LANCL3: variants seen among roughly 807,000 people sequenced by gnomAD.
The protein encoded by LANCL3 is LanC like family member 3, also known as lanC-like protein 3.
LANCL3 carries 19 observed loss-of-function variants against 26.5 expected under a neutral mutation model. The observed-to-expected ratio is 0.72, with a 90% CI of 0.50 to 1.05. The LOEUF is 1.05. Among genes scored for constraint, LANCL3 ranks in the 50% least tolerant of loss-of-function variants. The pLI is 0.00. For synonymous variants in LANCL3, 160 were observed against 166.6 expected (o/e 0.96, Z 0.30); for missense variants, 318 against 362.7 (o/e 0.88, Z 1.00).
At chrX:37,596,942 A>G (rs1924447170) in intron 1 of LANCL3, among the ~76,000 whole-genome samples, 1 of 111,922 alleles carries the variant, frequency 8.9e-6, no homozygotes, top group Non-Finnish European at 1.9e-5. Flanking sequence ...CCTTACCTCA[A>G]AAAGAAACCT....
At chrX:37,632,362 G>T (rs1198402999) in intron 1 of LANCL3, among the ~76,000 whole-genome samples, 2 of 111,421 alleles carry the variant, frequency 1.8e-5, no homozygotes, top group East Asian at 2.8e-4. Flanking sequence ...CATGTGAGAT[G>T]GGTTTCCTGA....
chrX:37,603,217 C>G (rs781908637), intron 1 of LANCL3, among the ~76,000 whole-genome samples: 1 of 112,134 alleles, frequency 8.9e-6, no homozygotes, highest in African/African-American at 3.2e-5. Context: ...AAAAGATGAG[C>G]AGGGTCCTAG....
chrX:37,625,306 A>G (rs1925284891), intron 1 of LANCL3, among the ~76,000 whole-genome samples: 1 of 111,653 alleles, frequency 9.0e-6, no homozygotes, highest in Admixed American at 9.5e-5. Flanking sequence ...CTCTGTGTGG[A>G]TTCAGCTTGG....
intron 1 of LANCL3, among the ~76,000 whole-genome samples, chrX:37,630,282 G>T (rs1409023110): frequency 2.4e-4 from 27 of 111,304 alleles, no homozygotes; most frequent in Non-Finnish European, 4.1e-4. Context: ...AATGCTTGTG[G>T]TATTTGTACA....
chrX:37,600,412 A>G (rs112358877), intron 1 of LANCL3, among the ~76,000 whole-genome samples: 47 of 111,949 alleles, frequency 4.2e-4, no homozygotes, highest in Non-Finnish European at 8.3e-4. Flanking sequence ...GATGGACTAG[A>G]ATATATATCA....
intron 1 of LANCL3, among the ~76,000 whole-genome samples, chrX:37,637,999 A>G (rs1450095660): frequency 9.0e-6 from 1 of 111,201 alleles, no homozygotes; most frequent in African/African-American, 3.3e-5. Context: ...CAGTAACTCT[A>G]TTTGATCCTG....
At chrX:37,624,281 C>T (rs782104203) in intron 1 of LANCL3, among the ~76,000 whole-genome samples, 88 of 111,785 alleles carry the variant, frequency 7.9e-4, no homozygotes, top group Non-Finnish European at 1.5e-3. Context: ...AAAATGGTAG[C>T]TCATTTTAAT....
At chrX:37,611,651 G>T (rs1359574877) in intron 1 of LANCL3, among the ~76,000 whole-genome samples, 2 of 111,322 alleles carry the variant, frequency 1.8e-5, no homozygotes, top group Non-Finnish European at 1.9e-5. Flanking sequence ...AGCATAACTG[G>T]ACTGCTTGAT....
At chrX:37,605,991 G>C (rs1924704347) in intron 1 of LANCL3, among the ~76,000 whole-genome samples, 1 of 111,479 alleles carries the variant, frequency 9.0e-6, no homozygotes, top group Admixed American at 9.5e-5. Context: ...GAGTCACTGG[G>C]AGAACTCAAA....
chrX:37,628,698 T>G (rs1925389418), intron 1 of LANCL3, among the ~76,000 whole-genome samples: 1 of 103,393 alleles, frequency 9.7e-6, no homozygotes, highest in Non-Finnish European at 2.0e-5. Context: ...ACATGTGGTG[T>G]TTGGTTTTTT....
In LANCL3 at chrX:37,605,230, C is replaced by G. The variant is rs150452986; in HGVS notation, c.573+32787C>G. ...AGGCCACAGTGGATGTGGTATTATT[C>G]AGTTATGTGCTTTTGCTATTTGTTG... On this transcript the variant is annotated intron_variant, in intron 1 of 4. Coordinates refer to ENST00000378619, the MANE Select transcript of LANCL3 (RefSeq NM_001170331.2). 5.5e-3 allele frequency among the ~76,000 whole-genome samples: 615 copies of G among 111,706 alleles called. 3 individuals carry two copies. The highest frequency in any genetic ancestry group is 0.018 in the African/African-American group (552 of 30,726).
At chrX:37,648,443 C>T in intron 1 of LANCL3, among the ~76,000 whole-genome samples, 1 of 112,011 alleles carries the variant, frequency 8.9e-6, no homozygotes, top group Non-Finnish European at 1.9e-5. Flanking sequence ...TTCCTTACAC[C>T]TTATACAAAA....
intron 1 of LANCL3, among the ~76,000 whole-genome samples, chrX:37,583,175 T>G (rs185689155): frequency 0.045 from 4,978 of 111,705 alleles, 294 homozygotes; most frequent in African/African-American, 0.15. Context: ...CATTGATCGA[T>G]ATCTCTGTTT....
At chrX:37,612,882 A>T (rs1924914541) in intron 1 of LANCL3, among the ~76,000 whole-genome samples, 1 of 111,807 alleles carries the variant, frequency 8.9e-6, no homozygotes, top group Non-Finnish European at 1.9e-5. Context: ...AGTGGGAAGG[A>T]TATGTTACCC....
At chrX:37,609,053 TC>T (rs1354599164) in intron 1 of LANCL3, among the ~76,000 whole-genome samples, 15 of 112,335 alleles carry the variant, frequency 1.3e-4, no homozygotes, top group African/African-American at 4.8e-4. Context: ...ACAGTTTATT[TC>T]CACTTATTTT....
intron 1 of LANCL3, among the ~76,000 whole-genome samples, chrX:37,622,260 G>A (rs1487572096): frequency 9.0e-6 from 1 of 111,205 alleles, no homozygotes; most frequent in African/African-American, 3.3e-5. Context: ...ACAACCCACC[G>A]CCTATATATC....
intron 1 of LANCL3, among the ~76,000 whole-genome samples, chrX:37,609,425 A>G (rs186522430): frequency 3.6e-5 from 4 of 111,903 alleles, no homozygotes; most frequent in East Asian, 5.6e-4. Context: ...GAATCGGGAA[A>G]GGGTATGAGG....
rs1926997512 is a variant in LANCL3 at position 37,683,971 on chromosome X, A to G, written c.*8158A>G. The G allele has an allele frequency of 8.9e-6, 1 of 112,285 alleles. No homozygotes were observed. The highest frequency in any genetic ancestry group is 1.9e-5 in the Non-Finnish European group (1 of 53,285). The allele number at this position is 112,285 out of a possible 1,213,427, so 9.3% of individuals were successfully genotyped here. ...AGCAATCATAAGCTATAAGATATAT[A>G]TTATTTTCAAGGACAAAATGGCAAA... On this transcript the variant is annotated 3_prime_UTR_variant, in exon 5 of 5. Coordinates refer to ENST00000378619, the MANE Select transcript of LANCL3 (RefSeq NM_001170331.2).
intron 1 of LANCL3, among the ~76,000 whole-genome samples, chrX:37,633,019 A>G (rs1254041617): frequency 4.0e-4 from 45 of 111,803 alleles, no homozygotes; most frequent in African/African-American, 1.5e-3. Context: ...AGATTGGGGA[A>G]GTTCTCCTGG....
Sources: gnomAD v4.1 joint callset for allele counts (sites outside exome capture counted in the v4.1 genomes callset) on GRCh38, gnomAD v4.1.1 for gene constraint, MANE v1.5 for transcripts, NCBI Gene and HGNC (gene_info 2026-07-23, HGNC 2026-07-21) for gene names.